PLA2G2C: variants seen among roughly 807,000 people sequenced by gnomAD.
PLA2G2C encodes the protein putative inactive group IIC secretory phospholipase A2.
Under a neutral mutation model 14.3 loss-of-function variants are expected in PLA2G2C, and 15 were observed. The ratio of observed to expected loss-of-function variants is 1.05; its 90% confidence interval spans 0.70 to 1.62. PLA2G2C has a LOEUF of 1.62. Ranked by LOEUF, PLA2G2C falls within the 40% of genes most tolerant of loss-of-function variation. The pLI is 0.00. For missense variants in PLA2G2C, 162 were observed against 173.2 expected (o/e 0.94, Z 0.36); for synonymous variants, 79 against 67.7 (o/e 1.17, Z -0.82).
chr1:20,172,705 T>C (rs2018107931), intron 4 of PLA2G2C, 89 bp downstream of exon 4: 1 of 1,164,916 alleles, frequency 8.6e-7, no homozygotes, highest in Non-Finnish European at 1.2e-6. Flanking sequence ...AGCATTTCAT[T>C]TTCTAAAAGA....
intron 3 of PLA2G2C, among the ~76,000 whole-genome samples, chr1:20,173,527 G>T (rs944504965): frequency 1.3e-5 from 2 of 152,122 alleles, no homozygotes. Context: ...ACAAACCTAG[G>T]CCCATTCATT....
intron 4 of PLA2G2C, among the ~76,000 whole-genome samples, chr1:20,171,758 CTT>C (rs10710359): frequency 2.6e-4 from 32 of 121,550 alleles, no homozygotes; most frequent in East Asian, 8.5e-4. Flanking sequence ...GCCACTTCTT[CTT>C]TTTTTTTTTT....
chr1:20,166,518 G>T (rs1405521591), intron 4 of PLA2G2C, among the ~76,000 whole-genome samples: 2 of 152,128 alleles, frequency 1.3e-5, no homozygotes, highest in East Asian at 3.9e-4. Context: ...TTGAGCTCAG[G>T]CCCCCCAGCC....
chr1:20,171,885 C>T (rs908868216), intron 4 of PLA2G2C, among the ~76,000 whole-genome samples: 1 of 151,034 alleles, frequency 6.6e-6, no homozygotes, highest in African/African-American at 2.4e-5. Flanking sequence ...CCTCAGCCTC[C>T]CGAGTAGCTG....
chr1:20,178,914 C>A (rs768622492), intron 1 of PLA2G2C, among the ~76,000 whole-genome samples: 3 of 152,218 alleles, frequency 2.0e-5, no homozygotes, highest in African/African-American at 7.2e-5. Flanking sequence ...CATTAGTTCT[C>A]GAATGCTTCA....
At chr1:20,182,139 T>C (rs1317305365) in intron 1 of PLA2G2C, among the ~76,000 whole-genome samples, 1 of 152,174 alleles carries the variant, frequency 6.6e-6, no homozygotes, top group Non-Finnish European at 1.5e-5. Context: ...TATACATTTT[T>C]GGATATTTTC....
Position 20,175,016 on chromosome 1 carries a change from T to C in PLA2G2C, c.170A>G (p.Asp57Gly). ...GLGDKGIPVDDTDRHSPSSPS... is the reference protein window; with the variant it reads ...GLGDKGIPVDGTDRHSPSSPS... ...GAGCCTCTGCACCCACCTGTCAGTG[T>C]CATCCACGGGGATCCCTTTATCCCC... is the stretch of plus-strand genomic sequence containing the variant. Residue 57 changes from aspartate to glycine, a missense_variant, in exon 3 of 5, where the codon GAC becomes GGC. Coordinates refer to ENST00000679259, the MANE Select transcript of PLA2G2C (RefSeq NM_001367969.2). 1 of 1,613,384 alleles carries C rather than the reference T, an allele frequency of 6.2e-7. No homozygotes were observed. Among genetic ancestry groups the C allele is most frequent in the Non-Finnish European group, 8.5e-7 (1 of 1,179,666 alleles).
intron 4 of PLA2G2C, among the ~76,000 whole-genome samples, chr1:20,168,228 A>G (rs543859449): frequency 1.3e-5 from 2 of 152,324 alleles, no homozygotes; most frequent in East Asian, 3.9e-4. Flanking sequence ...TCAGCTTTCA[A>G]ATGGTGATAA....
chr1:20,169,357 T>C (rs1388387439), intron 4 of PLA2G2C, among the ~76,000 whole-genome samples: 1 of 151,816 alleles, frequency 6.6e-6, no homozygotes, highest in African/African-American at 2.4e-5. Context: ...GTTTGTATGT[T>C]TAGTAGAGAC....
chr1:20,165,039 T>TTCCGTGGCC (rs1374515760), intron 4 of PLA2G2C, among the ~76,000 whole-genome samples: 1 of 152,218 alleles, frequency 6.6e-6, no homozygotes, highest in African/African-American at 2.4e-5. Context: ...TGCTGAATCC[T>TTCCGTGGCC]TCCGTGGCCT....
chr1:20,173,919 A>T (rs1274232642), intron 3 of PLA2G2C, among the ~76,000 whole-genome samples: 1 of 152,192 alleles, frequency 6.6e-6, no homozygotes, highest in Admixed American at 6.5e-5. Flanking sequence ...CATCAAGGAG[A>T]GGGGACAAAC....
At chr1:20,165,723 T>A (rs953233344) in intron 4 of PLA2G2C, among the ~76,000 whole-genome samples, 1 of 112,758 alleles carries the variant, frequency 8.9e-6, no homozygotes, top group Non-Finnish European at 1.9e-5. Context: ...TGTGTGCATG[T>A]GTATGCTTGT....
intron 1 of PLA2G2C, among the ~76,000 whole-genome samples, chr1:20,184,989 C>CA (rs1302959874): frequency 2.0e-5 from 3 of 151,932 alleles, no homozygotes; most frequent in Admixed American, 6.6e-5. Context: ...CCCCATTCTA[C>CA]AAAAAATAAT....
chr1:20,181,070 C>T (rs932875986), intron 1 of PLA2G2C, among the ~76,000 whole-genome samples: 4 of 152,334 alleles, frequency 2.6e-5, no homozygotes, highest in East Asian at 3.9e-4. Flanking sequence ...TGATGGCTAA[C>T]GTATATATCA....
At chr1:20,181,489 C>T (rs1041620641) in intron 1 of PLA2G2C, among the ~76,000 whole-genome samples, 6 of 151,994 alleles carry the variant, frequency 3.9e-5, no homozygotes, top group African/African-American at 9.7e-5. Context: ...ACCCCAGGTG[C>T]GTCTGACTCC....
At chr1:20,171,523 G>T (rs979316020) in intron 4 of PLA2G2C, among the ~76,000 whole-genome samples, 2 of 152,116 alleles carry the variant, frequency 1.3e-5, no homozygotes, top group Non-Finnish European at 2.9e-5. Context: ...TGGGTTGGGG[G>T]AGCTCAGGAG....
intron 2 of PLA2G2C, among the ~76,000 whole-genome samples, chr1:20,175,716 A>C (rs2018170298): frequency 6.6e-6 from 1 of 152,220 alleles, no homozygotes; most frequent in African/African-American, 2.4e-5. Context: ...GATATCAAAA[A>C]ATTGGAAACC....
At chr1:20,177,612 A>G (rs567534604) in intron 1 of PLA2G2C, among the ~76,000 whole-genome samples, 173 bp from the exon 2 acceptor site, 3 of 152,132 alleles carry the variant, frequency 2.0e-5, no homozygotes, top group African/African-American at 7.2e-5. Context: ...AAAAATAAGA[A>G]GGGTTCCATG....
chr1:20,179,793 T>C (rs1369092802), intron 1 of PLA2G2C, among the ~76,000 whole-genome samples: 1 of 150,798 alleles, frequency 6.6e-6, no homozygotes, highest in Non-Finnish European at 1.5e-5. Flanking sequence ...TGTCACTTTC[T>C]CCCTCTATGT....
Sources: gnomAD v4.1 joint callset for allele counts (sites outside exome capture counted in the v4.1 genomes callset) on GRCh38, gnomAD v4.1.1 for gene constraint, MANE v1.5 for transcripts, NCBI Gene and HGNC (gene_info 2026-07-23, HGNC 2026-07-21) for gene names.